The following TSPAN18 variants were observed in gnomAD, a reference collection of about 807,000 sequenced individuals.
The protein encoded by TSPAN18 is tetraspanin-18.
A neutral mutation model predicts 27.3 loss-of-function variants in TSPAN18; 14 were observed. That is an observed-to-expected ratio of 0.51 (90% CI 0.34 to 0.80). TSPAN18 has a LOEUF of 0.80. Ranked by LOEUF, TSPAN18 falls within the 30% of genes least tolerant of loss-of-function variation. TSPAN18 has a pLI of 0.01. For synonymous variants in TSPAN18, 143 were observed against 136.5 expected, an observed-to-expected ratio of 1.05 and a Z score of -0.33; for missense variants, 268 against 323.9, an observed-to-expected ratio of 0.83 and a Z score of 1.32.
In TSPAN18 at chr11:44,838,395, C is replaced by T. The variant is rs148045948; in HGVS notation, c.-152-21933C>T. ...CCACCCCCATGATTCAATTATCTCC[C>T]ACCCGGTTCCTCCCATGACACATGG... On this transcript the variant is annotated intron_variant, in intron 2 of 9. Coordinates refer to ENST00000520358, the MANE Select transcript of TSPAN18 (RefSeq NM_130783.5). Among the ~76,000 whole-genome samples the T allele has an allele frequency of 3.5e-3, 531 of 152,308 alleles. 2 individuals are homozygous for T. Among genetic ancestry groups the T allele is most frequent in the African/African-American group, 0.012 (512 of 41,552 alleles).
At chr11:44,905,056 T>G (rs752930965) in intron 3 of TSPAN18, among the ~76,000 whole-genome samples, 17 of 152,196 alleles carry the variant, frequency 1.1e-4, no homozygotes, top group South Asian at 2.1e-4. Flanking sequence ...TATTACTGTT[T>G]TCCTGACTTC....
At position 44,897,480 on chromosome 11, in the gene TSPAN18, A is replaced by G. The variant is rs1041175997; in HGVS notation, c.-10-8927A>G. ...AGCCGTGTCAGCATACATGAAGCCC[A>G]TGCTAGAATCTGCAAGTCTATTAAA... On this transcript the variant is annotated intron_variant, in intron 3 of 9. Transcript: ENST00000520358. Among the ~76,000 whole-genome samples the G allele has an allele frequency of 2.6e-5, 4 of 152,334 alleles. No homozygotes were observed. The East Asian group carries it at 7.7e-4, about 29-fold the overall frequency.
intron 3 of TSPAN18, among the ~76,000 whole-genome samples, chr11:44,887,000 G>C (rs1246833555): frequency 6.6e-6 from 1 of 152,244 alleles, no homozygotes; most frequent in African/African-American, 2.4e-5. Context: ...CTTCATTATG[G>C]AGTTGTTGGA....
intron 3 of TSPAN18, among the ~76,000 whole-genome samples, chr11:44,867,569 G>T (rs904606758): frequency 1.3e-4 from 20 of 151,500 alleles, no homozygotes; most frequent in African/African-American, 4.6e-4. Context: ...CAGCTAATTT[G>T]TGTATTTTTA....
At chr11:44,876,090 C>G (rs1858323594) in intron 3 of TSPAN18, among the ~76,000 whole-genome samples, 2 of 152,106 alleles carry the variant, frequency 1.3e-5, no homozygotes, top group Admixed American at 6.5e-5. Context: ...GCCTGGAGCT[C>G]CGGAGAGGAA....
At chr11:44,796,156 AAGG>A (rs758086960) in intron 2 of TSPAN18, among the ~76,000 whole-genome samples, 67 of 152,308 alleles carry the variant, frequency 4.4e-4, no homozygotes, top group Non-Finnish European at 8.2e-4. Context: ...ACAGAATGGC[AAGG>A]AGGAGGAGAA....
chr11:44,782,260 C>G lies in TSPAN18; in HGVS notation c.-153+17748C>G, dbSNP rs75018225. On this transcript the variant is annotated intron_variant, in intron 2 of 9. Transcript: ENST00000520358. ...AGGTGTATGTATAACTTAGAAGAAACTGCCAGCTGGGTGCGGTGGCTCATA... is the reference window on the plus strand; with the variant it reads ...AGGTGTATGTATAACTTAGAAGAAAGTGCCAGCTGGGTGCGGTGGCTCATA... Among the ~76,000 whole-genome samples the G allele has an allele frequency of 8.9e-3, 1,347 of 152,120 alleles. 16 individuals carry two copies. The highest frequency in any genetic ancestry group is 0.029 in the African/African-American group (1,224 of 41,504).
At chr11:44,844,027 G>A (rs145922601) in intron 2 of TSPAN18, among the ~76,000 whole-genome samples, 23 of 152,266 alleles carry the variant, frequency 1.5e-4, no homozygotes, top group Admixed American at 8.5e-4. Context: ...AAATCACAAG[G>A]GTATTGATTG....
chr11:44,769,989 G>A (rs1855654554), intron 2 of TSPAN18, among the ~76,000 whole-genome samples: 1 of 152,176 alleles, frequency 6.6e-6, no homozygotes, highest in Non-Finnish European at 1.5e-5. Flanking sequence ...TTTTACATCT[G>A]CGGAATGGGT....
chr11:44,931,103 G>T lies in TSPAN18; in HGVS notation c.*1925G>T. The T allele has an allele frequency of 2.6e-6, 1 of 383,280 alleles. No individual in the cohort carries two copies. Among genetic ancestry groups the T allele is most frequent in the Non-Finnish European group, 5.2e-6 (1 of 191,520 alleles). 23.7% of individuals were successfully genotyped at this position (383,280 alleles called of 1,614,324 possible). A position where few individuals can be genotyped will look rare whatever the true frequency, so the allele number is the denominator to read the frequency against. On this transcript the variant is annotated 3_prime_UTR_variant, in exon 10 of 10. Transcript: ENST00000520358. The stretch of plus-strand genomic sequence containing the variant: ...CCGCCAGTCCTTGCCCTCCCACCAG[G>T]TCTCTGAGCTCAGTGTTACCAAATT...
At chr11:44,780,484 G>A (rs78589046) in intron 2 of TSPAN18, among the ~76,000 whole-genome samples, 18,918 of 152,210 alleles carry the variant, frequency 0.12, 1,588 homozygotes, top group Middle Eastern at 0.2. Flanking sequence ...CCTACCATCC[G>A]TTCATTCCAA....
chr11:44,798,302 T>G (rs1236484934), intron 2 of TSPAN18, among the ~76,000 whole-genome samples: 3 of 152,250 alleles, frequency 2.0e-5, no homozygotes, highest in Non-Finnish European at 4.4e-5. Context: ...CCTGCGTCTT[T>G]CATGTAAGGC....
intron 9 of TSPAN18, among the ~76,000 whole-genome samples, chr11:44,927,355 G>T (rs561562382): frequency 6.6e-6 from 1 of 152,204 alleles, no homozygotes. Context: ...CCGACTTGCT[G>T]CTCCTGGGGG....
chr11:44,762,418 C>T (rs1855474651), intron 1 of TSPAN18, among the ~76,000 whole-genome samples: 1 of 152,174 alleles, frequency 6.6e-6, no homozygotes, highest in African/African-American at 2.4e-5. Context: ...CACATAGGTA[C>T]ATGCTTACAC....
intron 1 of TSPAN18, among the ~76,000 whole-genome samples, chr11:44,746,860 C>T (rs866438200): frequency 1.3e-5 from 2 of 152,366 alleles, no homozygotes; most frequent in Middle Eastern, 3.4e-3. Flanking sequence ...CCACTTCCCC[C>T]ACTGCTTGCC....
intron 3 of TSPAN18, 73 bp from the exon 4 acceptor site, chr11:44,906,334 C>A: frequency 7.1e-7 from 1 of 1,403,952 alleles, no homozygotes. Flanking sequence ...GCGGGGAACC[C>A]CTGGGGAGGG....
intron 2 of TSPAN18, among the ~76,000 whole-genome samples, chr11:44,845,123 A>G (rs1318292969): frequency 3.3e-5 from 5 of 152,228 alleles, no homozygotes; most frequent in African/African-American, 1.2e-4. Flanking sequence ...TAGAGAGGTA[A>G]TGTCCCATAG....
intron 1 of TSPAN18, among the ~76,000 whole-genome samples, chr11:44,729,859 GA>G (rs1451188339): frequency 2.0e-5 from 3 of 152,162 alleles, no homozygotes; most frequent in African/African-American, 7.2e-5. Flanking sequence ...GGATGTGTGG[GA>G]GGGGGTGCCA....
At chr11:44,796,750 C>T (rs1856359516) in intron 2 of TSPAN18, among the ~76,000 whole-genome samples, 1 of 152,170 alleles carries the variant, frequency 6.6e-6, no homozygotes, top group Non-Finnish European at 1.5e-5. Context: ...CCTACCCACC[C>T]TCTGTCTGTC....
Sources: gnomAD v4.1 joint callset for allele counts (sites outside exome capture counted in the v4.1 genomes callset) on GRCh38, gnomAD v4.1.1 for gene constraint, MANE v1.5 for transcripts, NCBI Gene and HGNC (gene_info 2026-07-23, HGNC 2026-07-21) for gene names.